VWC2L: variants seen among roughly 807,000 people sequenced by gnomAD.
The protein encoded by VWC2L is von Willebrand factor C domain-containing protein 2-like.
Under a neutral mutation model 21.6 loss-of-function variants are expected in VWC2L, and 10 were observed. The ratio of observed to expected loss-of-function variants is 0.46; its 90% CI spans 0.29 to 0.78. The LOEUF (loss-of-function observed/expected upper bound fraction) is 0.78. Ranked by LOEUF, VWC2L falls within the 30% of genes least tolerant of loss-of-function variation. The pLI, the probability that VWC2L is intolerant of heterozygous loss-of-function variation, is 0.10. For missense variants in VWC2L, 209 were observed against 277.1 expected (o/e 0.75, Z 1.74); for synonymous variants, 96 against 94.3 (o/e 1.02, Z -0.10).
At chr2:214,494,482 C>T (rs551676971) in intron 3 of VWC2L, among the ~76,000 whole-genome samples, 1 of 152,256 alleles carries the variant, frequency 6.6e-6, no homozygotes, top group South Asian at 2.1e-4. Context: ...AAGAGTTTCC[C>T]AGATGAGAGT....
chr2:214,493,015 A>G (rs1025427828), intron 3 of VWC2L, among the ~76,000 whole-genome samples: 1 of 152,210 alleles, frequency 6.6e-6, no homozygotes, highest in Non-Finnish European at 1.5e-5. Context: ...TTCAGGGAGA[A>G]GATGACAAAT....
Position 214,578,189 on chromosome 2 carries a change from A to G in VWC2L, c.*2369A>G, listed in dbSNP as rs1288550262. On this transcript the variant is annotated 3_prime_UTR_variant, in exon 4 of 4. Coordinates refer to ENST00000312504, the MANE Select transcript of VWC2L (RefSeq NM_001080500.4). The stretch of plus-strand genomic sequence containing the variant: ...GAAACTCAGAAAATATCATTAATAG[A>G]GCCATGCAGCATAGTACCTTATCTA... The G allele has an allele frequency of 6.6e-6, 1 of 152,178 alleles. No individual in the cohort carries two copies. The highest frequency in any genetic ancestry group is 1.5e-5 in the Non-Finnish European group (1 of 68,028). 9.4% of individuals were successfully genotyped at this position (152,178 alleles called of 1,614,324 possible). A position where few individuals can be genotyped will look rare whatever the true frequency, so the allele number is the denominator to read the frequency against.
At position 214,515,308 on chromosome 2, in the gene VWC2L, C is replaced by T. The variant is rs560779841; in HGVS notation, c.521-60364C>T. ...GATAGAGAACAGCATGGGCAAGCTA[C>T]TAAAGACAGACAAGGTTTTCATCTG... On this transcript the variant is annotated intron_variant, in intron 3 of 3. Transcript: ENST00000312504. 3.9e-5 allele frequency among the ~76,000 whole-genome samples: 6 copies of T among 152,242 alleles called. No individual in the cohort carries two copies. The East Asian group carries it at 9.7e-4, about 25-fold the overall frequency.
At chr2:214,497,048 G>A (rs1487414398) in intron 3 of VWC2L, among the ~76,000 whole-genome samples, 1 of 152,186 alleles carries the variant, frequency 6.6e-6, no homozygotes, top group East Asian at 1.9e-4. Context: ...AAGGTGAGAT[G>A]CAGATTTCCA....
At chr2:214,460,054 C>A (rs1703116904) in intron 3 of VWC2L, among the ~76,000 whole-genome samples, 2 of 151,814 alleles carry the variant, frequency 1.3e-5, no homozygotes, top group Non-Finnish European at 2.9e-5. Flanking sequence ...ATTACAGGCA[C>A]CTGCCACCAT....
chr2:214,542,344 C>G (rs1443122825), intron 3 of VWC2L, among the ~76,000 whole-genome samples: 1 of 152,222 alleles, frequency 6.6e-6, no homozygotes, highest in African/African-American at 2.4e-5. Context: ...GCTGTTGTGC[C>G]TGTCTGGGGA....
At chr2:214,518,937 G>C (rs570520069) in intron 3 of VWC2L, among the ~76,000 whole-genome samples, 27 of 152,100 alleles carry the variant, frequency 1.8e-4, no homozygotes, top group Non-Finnish European at 3.7e-4. Flanking sequence ...GCCCATCAAA[G>C]AGCATATTTG....
chr2:214,551,857 C>T (rs1689799808), intron 3 of VWC2L, among the ~76,000 whole-genome samples: 1 of 152,234 alleles, frequency 6.6e-6, no homozygotes, highest in Non-Finnish European at 1.5e-5. Context: ...CCCATGCAGA[C>T]CTCAAGAGCT....
intron 3 of VWC2L, 74 bp from the exon 4 acceptor site, chr2:214,575,598 C>A: frequency 6.5e-7 from 1 of 1,546,004 alleles, no homozygotes; most frequent in Non-Finnish European, 8.8e-7. Context: ...GGCTTTGGGG[C>A]TTGGGTTTGG....
chr2:214,571,573 A>G (rs1690150090), intron 3 of VWC2L, among the ~76,000 whole-genome samples: 1 of 152,188 alleles, frequency 6.6e-6, no homozygotes, highest in East Asian at 1.9e-4. Context: ...AGTTTATACT[A>G]TTTCATTCAG....
intron 2 of VWC2L, among the ~76,000 whole-genome samples, chr2:214,417,510 T>C (rs1452885872): frequency 3.9e-5 from 6 of 152,152 alleles, no homozygotes; most frequent in Non-Finnish European, 7.4e-5. Flanking sequence ...TGCCTGTTCT[T>C]CAAGAAGTAC....
At chr2:214,567,885 A>G (rs1476679509) in intron 3 of VWC2L, among the ~76,000 whole-genome samples, 2 of 152,208 alleles carry the variant, frequency 1.3e-5, no homozygotes, top group Non-Finnish European at 2.9e-5. Flanking sequence ...ATGTATAAAA[A>G]GCTCTTGAAA....
intron 3 of VWC2L, among the ~76,000 whole-genome samples, chr2:214,527,969 A>G (rs1689370914): frequency 6.6e-6 from 1 of 152,218 alleles, no homozygotes; most frequent in Non-Finnish European, 1.5e-5. Context: ...ATCATTTACA[A>G]TAAATTACAA....
At chr2:214,417,516 A>G (rs59524479) in intron 2 of VWC2L, among the ~76,000 whole-genome samples, 36,866 of 152,136 alleles carry the variant, frequency 0.24, 6,699 homozygotes, top group African/African-American at 0.51. Flanking sequence ...TTCTTCAAGA[A>G]GTACTTGAAA....
At chr2:214,543,116 C>A (rs2105921750) in intron 3 of VWC2L, among the ~76,000 whole-genome samples, 1 of 152,314 alleles carries the variant, frequency 6.6e-6, no homozygotes, top group Middle Eastern at 3.4e-3. Context: ...GACAGCATCT[C>A]TTTTAGGTCA....
At chr2:214,472,153 T>A (rs946480127) in intron 3 of VWC2L, 1 of 152,130 alleles carries the variant, frequency 6.6e-6, no homozygotes, top group African/African-American at 2.4e-5. Flanking sequence ...TGGGTATGAC[T>A]CACATTGGCT....
intron 2 of VWC2L, among the ~76,000 whole-genome samples, chr2:214,429,818 ATTTTT>A (rs964417387): frequency 6.6e-6 from 1 of 151,838 alleles, no homozygotes; most frequent in Non-Finnish European, 1.5e-5. Flanking sequence ...ATTTTATTTT[ATTTTT>A]TATTATTATT....
At chr2:214,420,314 T>C (rs184710667) in intron 2 of VWC2L, among the ~76,000 whole-genome samples, 41 of 152,270 alleles carry the variant, frequency 2.7e-4, no homozygotes, top group Non-Finnish European at 5.0e-4. Flanking sequence ...TGACGTCTAG[T>C]TGTTTTTTTA....
chr2:214,513,178 C>A lies in VWC2L; in HGVS notation c.521-62494C>A, dbSNP rs578015813. Reference sequence around the variant, plus strand: ...TTTTAGAAATGAATGTCATTTTGGTCAGACAAGTGATTACTGTCGGGTCAA... The same window carrying A: ...TTTTAGAAATGAATGTCATTTTGGTAAGACAAGTGATTACTGTCGGGTCAA... On this transcript the variant is annotated intron_variant, in intron 3 of 3. Transcript: ENST00000312504. Among the ~76,000 whole-genome samples the A allele has an allele frequency of 1.1e-3, 171 of 152,224 alleles. 4 individuals carry two copies. The highest frequency in any genetic ancestry group is 4.0e-3 in the African/African-American group (167 of 41,480).
Sources: allele counts gnomAD v4.1 joint callset (sites outside exome capture counted in the v4.1 genomes callset), GRCh38; gene constraint gnomAD v4.1.1; transcripts MANE v1.5; gene names NCBI Gene and HGNC (gene_info 2026-07-23, HGNC 2026-07-21).